Variants in HPSE2 observed in about 807,000 individuals in gnomAD.
HPSE2 encodes the protein heparanase 2 (inactive).
A neutral mutation model predicts 60.5 loss-of-function variants in HPSE2; 38 were observed. The observed-to-expected ratio is 0.63, with a 90% CI of 0.48 to 0.82. HPSE2 has a LOEUF of 0.82. Ranked by LOEUF, HPSE2 falls within the 40% of genes least tolerant of loss-of-function variation. The probability of loss-of-function intolerance (pLI) is 0.00; values close to 1 mark genes in which losing one functional copy is unlikely to be tolerated. For missense variants in HPSE2, 713 were observed against 740.4 expected (o/e 0.96, Z 0.43); for synonymous variants, 295 against 293.2 (o/e 1.01, Z -0.06).
chr10:98,708,187 T>C (rs1948593777), intron 5 of HPSE2, among the ~76,000 whole-genome samples: 1 of 152,140 alleles, frequency 6.6e-6, no homozygotes, highest in East Asian at 1.9e-4. Context: ...CCGGGCACGG[T>C]GGCTCACGCC....
chr10:98,564,056 C>G (rs1944268326), intron 9 of HPSE2, among the ~76,000 whole-genome samples: 1 of 152,208 alleles, frequency 6.6e-6, no homozygotes, highest in African/African-American at 2.4e-5. Flanking sequence ...CTTTGTCCCT[C>G]CCAGCCCTCC....
chr10:98,946,356 C>G lies in HPSE2; in HGVS notation c.610+197882G>C, dbSNP rs557448810. The stretch of plus-strand genomic sequence containing the variant: ...TGGCACATGCTTGTAATCCTAGCTA[C>G]TCACTAATTGGGAGGCTGAGGCAGG... On this transcript the variant is annotated intron_variant, in intron 3 of 11. Transcript: ENST00000370552. Among the ~76,000 whole-genome samples, 16 of 151,702 alleles carry G rather than the reference C, an allele frequency of 1.1e-4. No individual in the cohort carries two copies. The South Asian group carries it at 3.1e-3, about 30-fold the overall frequency.
intron 3 of HPSE2, among the ~76,000 whole-genome samples, chr10:98,834,037 C>T (rs574900876): frequency 1.3e-5 from 2 of 152,090 alleles, no homozygotes; most frequent in African/African-American, 4.8e-5. Context: ...TGCATATGCA[C>T]TGTCATTTTA....
At chr10:98,501,988 C>T (rs564962016) in intron 9 of HPSE2, among the ~76,000 whole-genome samples, 1 of 151,716 alleles carries the variant, frequency 6.6e-6, no homozygotes, top group Admixed American at 6.6e-5. Flanking sequence ...TATACCTAAC[C>T]AAGGAAGTGA....
chr10:98,918,718 T>C (rs1954195797), intron 3 of HPSE2, among the ~76,000 whole-genome samples: 1 of 142,550 alleles, frequency 7.0e-6, no homozygotes. Flanking sequence ...TTAGGAGATA[T>C]ACCTAATGCT....
intron 9 of HPSE2, among the ~76,000 whole-genome samples, chr10:98,493,774 T>TCTA (rs1941738677): frequency 6.6e-6 from 1 of 152,226 alleles, no homozygotes; most frequent in Admixed American, 6.5e-5. Flanking sequence ...ACTGGAGAGT[T>TCTA]TAATCAATTT....
intron 2 of HPSE2, among the ~76,000 whole-genome samples, chr10:99,195,404 G>GA (rs148131413): frequency 1.3e-4 from 19 of 147,540 alleles, no homozygotes; most frequent in South Asian, 2.1e-4. Flanking sequence ...TCAAAATTTG[G>GA]AAAAAAAAAT....
At chr10:98,959,402 T>C (rs1589428778) in intron 3 of HPSE2, among the ~76,000 whole-genome samples, 2 of 149,116 alleles carry the variant, frequency 1.3e-5, no homozygotes, top group East Asian at 3.9e-4. Context: ...GGAGGCCCAG[T>C]GGCTGCTGAT....
chr10:98,880,792 T>C (rs900416016), intron 3 of HPSE2, among the ~76,000 whole-genome samples: 1 of 152,076 alleles, frequency 6.6e-6, no homozygotes, highest in Non-Finnish European at 1.5e-5. Context: ...GGAGGTTTTT[T>C]CCATGTTTAA....
At chr10:98,864,901 T>C (rs1251142593) in intron 3 of HPSE2, among the ~76,000 whole-genome samples, 1 of 152,172 alleles carries the variant, frequency 6.6e-6, no homozygotes, top group East Asian at 1.9e-4. Flanking sequence ...TTTAAAGAAA[T>C]ATGGCTTGCA....
chr10:99,187,903 G>A (rs1848086051), intron 2 of HPSE2, among the ~76,000 whole-genome samples: 1 of 152,188 alleles, frequency 6.6e-6, no homozygotes, highest in African/African-American at 2.4e-5. Flanking sequence ...GCTCCAAAGA[G>A]ATAGAAACAC....
chr10:98,883,055 A>G (rs559881200), intron 3 of HPSE2, among the ~76,000 whole-genome samples: 1 of 152,214 alleles, frequency 6.6e-6, no homozygotes, highest in Admixed American at 6.5e-5. Flanking sequence ...TTTTGCATGG[A>G]GAGGAAAAGC....
intron 3 of HPSE2, among the ~76,000 whole-genome samples, chr10:99,143,139 T>A (rs1845924260): frequency 6.6e-6 from 1 of 152,108 alleles, no homozygotes. Flanking sequence ...TAATGACCTA[T>A]CAAAGAGCAA....
chr10:98,837,703 T>C (rs889187113), intron 3 of HPSE2, among the ~76,000 whole-genome samples: 1 of 150,868 alleles, frequency 6.6e-6, no homozygotes, highest in Non-Finnish European at 1.5e-5. Context: ...TGAAACTCCG[T>C]CTCTACTAAA....
At chr10:98,924,264 G>T (rs1006750304) in intron 3 of HPSE2, among the ~76,000 whole-genome samples, 1 of 152,174 alleles carries the variant, frequency 6.6e-6, no homozygotes, top group African/African-American at 2.4e-5. Flanking sequence ...ACTGGGGGGT[G>T]TAGTGATGCA....
intron 3 of HPSE2, among the ~76,000 whole-genome samples, chr10:98,756,402 A>C (rs957391076): frequency 4.6e-5 from 7 of 152,126 alleles, no homozygotes; most frequent in African/African-American, 1.7e-4. Flanking sequence ...TTTTGAAAGA[A>C]TAAGATTGAT....
intron 9 of HPSE2, among the ~76,000 whole-genome samples, chr10:98,561,628 A>T (rs575206591): frequency 3.0e-4 from 45 of 152,270 alleles, no homozygotes; most frequent in African/African-American, 1.1e-3. Flanking sequence ...CAGGCAGATC[A>T]CCTGAGGTCA....
At chr10:98,677,144 G>A (rs1024125671) in intron 6 of HPSE2, among the ~76,000 whole-genome samples, 10 of 152,168 alleles carry the variant, frequency 6.6e-5, no homozygotes, top group African/African-American at 2.4e-4. Flanking sequence ...GTGGTCACTA[G>A]AGGGAGAAAC....
At chr10:99,084,041 T>C (rs1162484314) in intron 3 of HPSE2, among the ~76,000 whole-genome samples, 1 of 143,942 alleles carries the variant, frequency 6.9e-6, no homozygotes, top group South Asian at 2.4e-4. Flanking sequence ...GACTCAGTTA[T>C]CCCATTTTTG....
Sources: allele counts gnomAD v4.1 joint callset (sites outside exome capture counted in the v4.1 genomes callset), GRCh38; gene constraint gnomAD v4.1.1; transcripts MANE v1.5; gene names NCBI Gene and HGNC (gene_info 2026-07-23, HGNC 2026-07-21).